Variants in TRERF1 observed in about 807,000 individuals in gnomAD.
TRERF1 encodes transcriptional-regulating factor 1.
A neutral mutation model predicts 122.9 loss-of-function variants in TRERF1; 27 were observed. The observed-to-expected ratio is 0.22, with a 90% CI of 0.16 to 0.30. The LOEUF is 0.30. Ranked by LOEUF, TRERF1 falls within the 10% of genes least tolerant of loss-of-function variation. The pLI is 1.00. For missense variants in TRERF1, 1,248 were observed against 1,560.3 expected, an observed-to-expected ratio of 0.80 and a Z score of 3.37; for synonymous variants, 636 against 641.7, an observed-to-expected ratio of 0.99 and a Z score of 0.13.
At chr6:42,323,766 C>T (rs895439225) in intron 3 of TRERF1, among the ~76,000 whole-genome samples, 15 of 152,034 alleles carry the variant, frequency 9.9e-5, no homozygotes, top group African/African-American at 3.4e-4. Flanking sequence ...TGGTTGGCCC[C>T]GAAGGTTGAG....
In TRERF1 at chr6:42,269,680, G is replaced by T; in HGVS notation, c.-90C>A. 6.7e-7 allele frequency: 1 copy of T among 1,492,478 alleles called. No homozygotes were observed. The highest frequency in any genetic ancestry group is 8.9e-7 in the Non-Finnish European group (1 of 1,124,124). The allele number at this position is 1,492,478 out of a possible 1,614,324, so 92.5% of individuals were successfully genotyped here. ...AAAAGGACTGAAACCCTGAGAAGCTGAGAGAAAAGTGTCAGCACTACTCCA... is the reference window on the plus strand; with the variant it reads ...AAAAGGACTGAAACCCTGAGAAGCTTAGAGAAAAGTGTCAGCACTACTCCA... On this transcript the variant is annotated 5_prime_UTR_variant, in exon 5 of 18. Coordinates refer to ENST00000372922, the Ensembl canonical transcript of TRERF1. The surrounding 1 kb of genome is among the most constrained non-coding windows in gnomAD (Gnocchi z 4.9).
intron 3 of TRERF1, among the ~76,000 whole-genome samples, chr6:42,325,653 C>G (rs1387027628): frequency 6.6e-6 from 1 of 152,168 alleles, no homozygotes; most frequent in Non-Finnish European, 1.5e-5. Context: ...GCAGGAGGAT[C>G]ATTTGAACCC....
chr6:42,271,757 C>T (rs1780264463), intron 4 of TRERF1, among the ~76,000 whole-genome samples: 1 of 152,016 alleles, frequency 6.6e-6, no homozygotes, highest in Non-Finnish European at 1.5e-5. Context: ...ACCAGAAGAA[C>T]ATTTTAATAC....
rs1182217430 is a variant in TRERF1, at chr6:42,262,528, A to C, written c.1884+792T>G. Among the ~76,000 whole-genome samples, 146 of 49,910 alleles carry C rather than the reference A, an allele frequency of 2.9e-3. 13 individuals carry two copies. Among genetic ancestry groups the C allele is most frequent in the South Asian group, 0.021 (19 of 886 alleles). The allele number at this position is 49,910 out of a possible 152,430, so 32.7% of individuals were successfully genotyped here. ...GAGAGAGAGAGAGAGAGAGAGAGAG[A>C]GAGAGAGAGAGAGAGAGAGAGAGAG... On this transcript the variant is annotated intron_variant, in intron 8 of 17. Transcript: ENST00000372922.
chr6:42,313,213 G>A (rs1347081728), intron 3 of TRERF1, among the ~76,000 whole-genome samples: 1 of 152,166 alleles, frequency 6.6e-6, no homozygotes, highest in African/African-American at 2.4e-5. Flanking sequence ...TGCTTCCCAA[G>A]GAACGTCTTC....
At chr6:42,440,414 G>A (rs1239648702) in intron 2 of TRERF1, among the ~76,000 whole-genome samples, 3 of 152,180 alleles carry the variant, frequency 2.0e-5, no homozygotes, top group Non-Finnish European at 4.4e-5. Flanking sequence ...CCGAGCCTCA[G>A]TTTCCTCAAG....
chr6:42,289,338 ACAAACAAAC>A (rs1259387303), intron 4 of TRERF1, among the ~76,000 whole-genome samples: 3,521 of 144,930 alleles, frequency 0.024, 47 homozygotes, highest in Non-Finnish European at 0.034. Context: ...CTCAAAAAAA[ACAAACAAAC>A]AAAAAAAAAA....
intron 10 of TRERF1, 150 bp downstream of exon 10, chr6:42,257,985 T>G: frequency 1.5e-6 from 1 of 645,542 alleles, no homozygotes; most frequent in Non-Finnish European, 2.6e-6. Context: ...GCAACCATTG[T>G]GCAGGGAAAC....
intron 2 of TRERF1, among the ~76,000 whole-genome samples, chr6:42,425,450 G>A (rs894698870): frequency 5.4e-5 from 8 of 147,942 alleles, no homozygotes; most frequent in African/African-American, 1.2e-4. Flanking sequence ...CAAACCCAGA[G>A]TCAGAGTCAA....
intron 2 of TRERF1, among the ~76,000 whole-genome samples, chr6:42,391,124 A>G (rs1487307868): frequency 6.6e-6 from 1 of 152,228 alleles, no homozygotes; most frequent in African/African-American, 2.4e-5. Context: ...ATTTACTCAC[A>G]GGAGACCAGG....
intron 4 of TRERF1, among the ~76,000 whole-genome samples, chr6:42,288,574 C>CAAAAAAAAAAAAAAAAAAAAAA (rs3074797): frequency 1.2e-5 from 1 of 86,548 alleles, no homozygotes; most frequent in African/African-American, 4.9e-5. Context: ...ATCTCAAAAC[C>CAAAAAAAAAAAAAAAAAAAAAA]AAAAAAAAAA....
chr6:42,431,400 G>A (rs989127496), intron 2 of TRERF1, among the ~76,000 whole-genome samples: 1 of 152,180 alleles, frequency 6.6e-6, no homozygotes, highest in African/African-American at 2.4e-5. Context: ...GCTCCAAACA[G>A]AGAGGCAGAA....
chr6:42,254,262 T>C (rs954330273), intron 13 of TRERF1, among the ~76,000 whole-genome samples: 9 of 152,228 alleles, frequency 5.9e-5, no homozygotes, highest in African/African-American at 2.2e-4. Context: ...GACGTAGGAC[T>C]CTGCCCATGT....
At chr6:42,322,442 T>C (rs1306970699) in intron 3 of TRERF1, among the ~76,000 whole-genome samples, 1 of 152,134 alleles carries the variant, frequency 6.6e-6, no homozygotes. Flanking sequence ...ATTTTTATTA[T>C]AAATTCCTCC....
chr6:42,296,237 T>C (rs1382629654), intron 4 of TRERF1, among the ~76,000 whole-genome samples: 1 of 152,202 alleles, frequency 6.6e-6, no homozygotes, highest in Non-Finnish European at 1.5e-5. Context: ...ACCAGTGCGT[T>C]CTATCTTCCC....
At chr6:42,412,577 C>T (rs1781270293) in intron 2 of TRERF1, among the ~76,000 whole-genome samples, 2 of 152,070 alleles carry the variant, frequency 1.3e-5, no homozygotes, top group South Asian at 4.2e-4. Context: ...AGTCTGTCAG[C>T]CACCAAAAAT....
intron 2 of TRERF1, among the ~76,000 whole-genome samples, chr6:42,440,001 A>G (rs1275535396): frequency 6.6e-6 from 1 of 152,160 alleles, no homozygotes; most frequent in Non-Finnish European, 1.5e-5. Flanking sequence ...CAATCCTAAT[A>G]TATGGCAGGC....
intron 2 of TRERF1, among the ~76,000 whole-genome samples, chr6:42,367,168 A>C (rs1471791536): frequency 6.6e-6 from 1 of 152,202 alleles, no homozygotes; most frequent in African/African-American, 2.4e-5. Context: ...TATCTAGCAC[A>C]GGCCTGGCCT....
chr6:42,361,753 G>A (rs941332677), intron 3 of TRERF1, among the ~76,000 whole-genome samples: 46 of 152,068 alleles, frequency 3.0e-4, no homozygotes, highest in African/African-American at 1.0e-3. Flanking sequence ...GTTCCCATTC[G>A]CTCCGCAGAT....
Sources: gnomAD v4.1 joint callset for allele counts (sites outside exome capture counted in the v4.1 genomes callset) on GRCh38, gnomAD v4.1.1 for gene constraint, Gnocchi (gnomAD v3.1) non-coding constraint, MANE v1.5 for transcripts, NCBI Gene and HGNC (gene_info 2026-07-23, HGNC 2026-07-21) for gene names.